RXRA: variants seen among roughly 807,000 people sequenced by gnomAD.
RXRA encodes retinoic acid receptor RXR-alpha.
Under a neutral mutation model 44.5 loss-of-function variants are expected in RXRA, and 5 were observed. That is an observed-to-expected ratio of 0.11 (90% CI 0.06 to 0.24). The LOEUF is 0.24. Ranked by LOEUF, RXRA falls within the 10% of genes least tolerant of loss-of-function variation. The pLI, the probability that RXRA is intolerant of heterozygous loss-of-function variation, is 1.00. For synonymous variants in RXRA, 291 were observed against 271.4 expected (o/e 1.07, Z -0.71); for missense variants, 412 against 646.5 (o/e 0.64, Z 3.93).
intron 1 of RXRA, among the ~76,000 whole-genome samples, chr9:134,384,942 C>T (rs1394585752): frequency 6.6e-6 from 1 of 152,320 alleles, no homozygotes; most frequent in African/African-American, 2.4e-5. Flanking sequence ...TTCTGGTTCC[C>T]CTCCAGCCCT....
intron 1 of RXRA, among the ~76,000 whole-genome samples, chr9:134,388,502 C>A (rs915164792): frequency 6.6e-6 from 1 of 152,180 alleles, no homozygotes; most frequent in African/African-American, 2.4e-5. Context: ...CACCTTTCCC[C>A]ATGGCCTCCT....
chr9:134,370,985 G>A (rs1830484526), intron 1 of RXRA, among the ~76,000 whole-genome samples: 1 of 151,984 alleles, frequency 6.6e-6, no homozygotes, highest in South Asian at 2.1e-4. Context: ...GGAGCCGGAG[G>A]GCTTGGGGAA....
chr9:134,398,065 C>T (rs1411591412), intron 1 of RXRA, among the ~76,000 whole-genome samples: 4 of 152,138 alleles, frequency 2.6e-5, no homozygotes, highest in Admixed American at 6.5e-5. Flanking sequence ...CTGCAACCTC[C>T]GCCTCCCAGG....
In RXRA at chr9:134,426,391, G is replaced by A; in HGVS notation, c.911-2717G>A. On this transcript the variant is annotated intron_variant, in intron 6 of 9. Transcript: ENST00000481739. The surrounding 1 kb of genome is among the most constrained non-coding windows in gnomAD (Gnocchi z 4.6). ...CTATTTTTCTCTTACATCCGAGAAG[G>A]AGGAGGGCAGCTTACAAAGGTGTGT... 1.0e-6 allele frequency: 1 copy of A among 985,468 alleles called. No individual in the cohort carries two copies. Among genetic ancestry groups the A allele is most frequent in the African/African-American group, 1.7e-5 (1 of 57,364 alleles). 61.0% of individuals were successfully genotyped at this position (985,468 alleles called of 1,614,324 possible). A position where few individuals can be genotyped will look rare whatever the true frequency, so the allele number is the denominator to read the frequency against.
chr9:134,430,165 C>T (rs1473996242), intron 7 of RXRA, among the ~76,000 whole-genome samples: 5 of 152,232 alleles, frequency 3.3e-5, no homozygotes, highest in Non-Finnish European at 5.9e-5. Context: ...GGATTACAGG[C>T]GTGAGCCGCC....
intron 4 of RXRA, among the ~76,000 whole-genome samples, chr9:134,411,376 G>C (rs142993058): frequency 6.6e-6 from 1 of 152,296 alleles, no homozygotes; most frequent in East Asian, 1.9e-4. Context: ...GCCCATCGGT[G>C]ACTGGGTCCT....
rs779322117 is a variant in RXRA, at chr9:134,439,907, G to A, written c.*3293G>A. On this transcript the variant is annotated 3_prime_UTR_variant, in exon 10 of 10. Transcript: ENST00000481739. The stretch of plus-strand genomic sequence containing the variant: ...AAGGACCCTCCTTTGGTGAAATCCG[G>A]GTTCGAATGAATATCTCAAGGCAGG... 4.6e-5 allele frequency: 7 copies of A among 152,366 alleles called. No homozygotes were observed. The highest frequency in any genetic ancestry group is 8.8e-5 in the Non-Finnish European group (6 of 68,050). 9.4% of individuals were successfully genotyped at this position (152,366 alleles called of 1,614,324 possible). A position where few individuals can be genotyped will look rare whatever the true frequency, so the allele number is the denominator to read the frequency against.
At position 134,345,719 on chromosome 9, in the gene RXRA, G is replaced by A. The variant is rs1186108716; in HGVS notation, c.28+19060G>A. ...GAGGGAGCAACTGAAGTTGAAATTAGCTGCTGCTATATCTCCCCAGCCCCA... is the reference window on the plus strand; with the variant it reads ...GAGGGAGCAACTGAAGTTGAAATTAACTGCTGCTATATCTCCCCAGCCCCA... On this transcript the variant is annotated intron_variant, in intron 1 of 9. Coordinates refer to ENST00000481739, the MANE Select transcript of RXRA (RefSeq NM_002957.6). 2.6e-5 allele frequency among the ~76,000 whole-genome samples: 4 copies of A among 152,198 alleles called. No individual in the cohort carries two copies. In the East Asian group the frequency reaches 7.7e-4, roughly 29 times the overall value.
At position 134,343,470 on chromosome 9, in the gene RXRA, G is replaced by A. The variant is rs1375869024; in HGVS notation, c.28+16811G>A. Among the ~76,000 whole-genome samples, 3 of 152,152 alleles carry A rather than the reference G, an allele frequency of 2.0e-5. No homozygotes were observed. The highest frequency in any genetic ancestry group is 1.3e-4 in the Admixed American group (2 of 15,280). ...GGCGCTCAGTGTAGGGCAAAGGAAC[G>A]TGAGGAGGGCATGAGTGTTGTATCT... On this transcript the variant is annotated intron_variant, in intron 1 of 9. Transcript: ENST00000481739. This position sits in a 1 kb window ranked among gnomAD's most constrained non-coding sequence, Gnocchi z 4.1.
At position 134,433,833 on chromosome 9, in the gene RXRA, C is replaced by G. The variant is rs1463319481; in HGVS notation, c.1136-269C>G. On this transcript the variant is annotated intron_variant, in intron 8 of 9. Coordinates refer to ENST00000481739, the MANE Select transcript of RXRA (RefSeq NM_002957.6). This position sits in a 1 kb window ranked among gnomAD's most constrained non-coding sequence, Gnocchi z 4.2. The stretch of plus-strand genomic sequence containing the variant: ...ATGGGGAAACCGAGTCTCTGGAGGT[C>G]AAATAGTTGACCCAAGGTCACGTGG... Among the ~76,000 whole-genome samples, 1 of 152,194 alleles carries G rather than the reference C, an allele frequency of 6.6e-6. No homozygotes were observed. Among genetic ancestry groups the G allele is most frequent in the South Asian group, 2.1e-4 (1 of 4,834 alleles).
intron 5 of RXRA, among the ~76,000 whole-genome samples, chr9:134,418,023 C>T (rs565570951): frequency 2.6e-4 from 39 of 152,276 alleles, no homozygotes; most frequent in Non-Finnish European, 5.3e-4. Context: ...CTCCTTGGAC[C>T]CTCCCTGTTA....
intron 1 of RXRA, among the ~76,000 whole-genome samples, chr9:134,376,334 C>T (rs1349524345): frequency 3.9e-5 from 6 of 152,192 alleles, no homozygotes; most frequent in Admixed American, 2.6e-4. Flanking sequence ...GTGTGTGCCT[C>T]GTGCTCTGAT....
chr9:134,333,195 G>T (rs1372373256), intron 1 of RXRA, among the ~76,000 whole-genome samples: 1 of 152,186 alleles, frequency 6.6e-6, no homozygotes, highest in Non-Finnish European at 1.5e-5. Flanking sequence ...GCCTCTCAGG[G>T]TCTCTGTGTG....
chr9:134,422,284 TC>T, intron 6 of RXRA: 1 of 1,246,162 alleles, frequency 8.0e-7, no homozygotes, highest in Non-Finnish European at 1.0e-6. Context: ...CAGGACACAC[TC>T]CTACTTCCTG....
chr9:134,423,916 C>T, intron 6 of RXRA: 1 of 985,084 alleles, frequency 1.0e-6, no homozygotes, highest in Non-Finnish European at 1.2e-6. Flanking sequence ...GAACAGCTGG[C>T]CGCACGCAGC....
intron 3 of RXRA, 104 bp downstream of exon 3, chr9:134,408,403 C>T (rs1182920789): frequency 7.8e-7 from 1 of 1,286,588 alleles, no homozygotes; most frequent in East Asian, 2.6e-5. Context: ...AAGCAGGACC[C>T]AAGGCCAGGG....
At chr9:134,386,043 G>A (rs942357570) in intron 1 of RXRA, among the ~76,000 whole-genome samples, 1 of 152,256 alleles carries the variant, frequency 6.6e-6, no homozygotes, top group African/African-American at 2.4e-5. Flanking sequence ...AATGGCAGCC[G>A]CCTTGTGGTC....
At chr9:134,333,062 G>T (rs1247098739) in intron 1 of RXRA, among the ~76,000 whole-genome samples, 2 of 152,168 alleles carry the variant, frequency 1.3e-5, no homozygotes, top group Non-Finnish European at 2.9e-5. Context: ...TAGGGGGCAG[G>T]CCGTCCAGGG....
rs532885571 is a variant in RXRA at position 134,341,950 on chromosome 9, G to A, written c.28+15291G>A. 7.2e-5 allele frequency among the ~76,000 whole-genome samples: 11 copies of A among 152,282 alleles called. No individual in the cohort carries two copies. The East Asian group carries it at 1.9e-3, about 27-fold the overall frequency. On this transcript the variant is annotated intron_variant, in intron 1 of 9. Transcript: ENST00000481739. ...TGAGGCTCTGCCCACTACTGGCCTG[G>A]CCCCACTTGCTGAGGGTCCGCTGTG... is the stretch of plus-strand genomic sequence containing the variant.
Sources: allele counts gnomAD v4.1 joint callset (sites outside exome capture counted in the v4.1 genomes callset), GRCh38; gene constraint gnomAD v4.1.1; non-coding constraint Gnocchi (gnomAD v3.1); transcripts MANE v1.5; gene names NCBI Gene and HGNC (gene_info 2026-07-23, HGNC 2026-07-21).